EYS: variants seen among roughly 807,000 people sequenced by gnomAD.
The protein encoded by EYS is EGF-like photoreceptor maintenance factor, also known as protein eyes shut homolog.
In EYS, 250 loss-of-function variants were observed where a neutral mutation model predicts 282.1. The observed-to-expected ratio is 0.89, with a 90% CI of 0.80 to 0.98. The LOEUF (loss-of-function observed/expected upper bound fraction) is 0.98. Ranked by LOEUF, EYS falls within the 50% of genes least tolerant of loss-of-function variation. The pLI is 0.00. For synonymous variants in EYS, 1,355 were observed against 1,282.9 expected, an observed-to-expected ratio of 1.06 and a Z score of -1.20; for missense variants, 4,016 against 3,709.0, an observed-to-expected ratio of 1.08 and a Z score of -2.15.
At chr6:65,512,478 G>C (rs1176145647) in intron 2 of EYS, among the ~76,000 whole-genome samples, 1 of 129,366 alleles carries the variant, frequency 7.7e-6, no homozygotes, top group African/African-American at 3.1e-5. Flanking sequence ...GGGCGACAGA[G>C]CGAGACTCTA....
chr6:65,105,859 G>A (rs1023098851), intron 12 of EYS, among the ~76,000 whole-genome samples: 1 of 151,718 alleles, frequency 6.6e-6, no homozygotes, highest in Non-Finnish European at 1.5e-5. Flanking sequence ...TATCTTTGGA[G>A]AGATTAATTG....
intron 15 of EYS, among the ~76,000 whole-genome samples, chr6:64,934,668 C>T (rs1204631836): frequency 6.6e-6 from 1 of 151,658 alleles, no homozygotes; most frequent in Non-Finnish European, 1.5e-5. Context: ...TCCTACAATG[C>T]TACCTTCTAA....
At chr6:65,598,082 A>T (rs192254259) in intron 2 of EYS, among the ~76,000 whole-genome samples, 2 of 151,860 alleles carry the variant, frequency 1.3e-5, no homozygotes, top group Non-Finnish European at 2.9e-5. Flanking sequence ...ACCTGGCAAC[A>T]GAACGAAACC....
chr6:64,300,896 G>A (rs753296960), intron 30 of EYS, among the ~76,000 whole-genome samples: 2 of 152,104 alleles, frequency 1.3e-5, no homozygotes, highest in Non-Finnish European at 2.9e-5. Context: ...TGTCCTCAAG[G>A]GATGCTAAAC....
chr6:65,647,504 T>A, intron 1 of EYS, among the ~76,000 whole-genome samples: 1 of 152,202 alleles, frequency 6.6e-6, no homozygotes, highest in South Asian at 2.1e-4. Context: ...TCACCTTATA[T>A]AAAAATCAAC....
intron 35 of EYS, 28 bp from the exon 36 acceptor site, chr6:63,864,386 A>G (rs956888789): frequency 3.9e-6 from 6 of 1,526,054 alleles, no homozygotes; most frequent in African/African-American, 2.8e-5. Context: ...TTAAAAATTC[A>G]TTAGGAAACA....
chr6:65,523,228 A>G (rs1767437059), intron 2 of EYS, among the ~76,000 whole-genome samples: 1 of 152,168 alleles, frequency 6.6e-6, no homozygotes, highest in African/African-American at 2.4e-5. Flanking sequence ...CACAACATAT[A>G]CATACCTCAA....
chr6:65,287,575 T>C (rs1426896645), intron 12 of EYS, among the ~76,000 whole-genome samples: 3 of 151,342 alleles, frequency 2.0e-5, no homozygotes, highest in Non-Finnish European at 4.4e-5. Flanking sequence ...CAATGTTTTG[T>C]ATAGCTTTTG....
chr6:65,476,167 C>CG (rs1285159523), intron 5 of EYS, among the ~76,000 whole-genome samples: 1 of 152,122 alleles, frequency 6.6e-6, no homozygotes, highest in African/African-American at 2.4e-5. Context: ...ACCTTGGGTT[C>CG]TAAACACCAA....
chr6:65,166,828 C>A (rs1016191038), intron 12 of EYS, among the ~76,000 whole-genome samples: 4 of 150,906 alleles, frequency 2.7e-5, no homozygotes, highest in Admixed American at 2.0e-4. Flanking sequence ...AGAATGAACT[C>A]ATAAGATAAC....
chr6:64,107,137 C>A (rs1015651753), intron 31 of EYS, among the ~76,000 whole-genome samples: 2 of 150,418 alleles, frequency 1.3e-5, no homozygotes, highest in African/African-American at 4.9e-5. Context: ...AATTCCTGAC[C>A]TGATGATTTC....
intron 19 of EYS, among the ~76,000 whole-genome samples, chr6:64,832,395 CA>C: frequency 6.6e-6 from 1 of 151,608 alleles, no homozygotes; most frequent in East Asian, 2.0e-4. Context: ...ATCTAGTCAC[CA>C]AACTTATAGA....
chr6:64,113,343 A>C (rs1291568442), intron 31 of EYS, among the ~76,000 whole-genome samples: 1 of 152,024 alleles, frequency 6.6e-6, no homozygotes, highest in Non-Finnish European at 1.5e-5. Flanking sequence ...GATCTGTTAT[A>C]TGATAGCTGT....
chr6:64,864,385 C>CTGTTTTTTTTTTTTTTTTTT (rs1766348749), intron 19 of EYS, among the ~76,000 whole-genome samples: 1 of 57,166 alleles, frequency 1.7e-5, no homozygotes, highest in African/African-American at 5.9e-5. Flanking sequence ...GCTATACCTT[C>CTGTTTTTTTTTTTTTTTTTT]TTTTTTTTTT....
chr6:64,389,892 G>C (rs1257428392), intron 28 of EYS, among the ~76,000 whole-genome samples: 1 of 152,128 alleles, frequency 6.6e-6, no homozygotes, highest in Non-Finnish European at 1.5e-5. Flanking sequence ...GTGCCAGACA[G>C]TGGGCGCAGG....
rs553601513 is a variant in EYS, at chr6:64,628,018, T to C, written c.3444-1773A>G. Reference sequence around the variant, plus strand: ...TGGCGTGAACCAGGGAGGCGGAGCTTGCAGTGAGCCCAGATCACGCCACTG... The same window carrying C: ...TGGCGTGAACCAGGGAGGCGGAGCTCGCAGTGAGCCCAGATCACGCCACTG... On this transcript the variant is annotated intron_variant, in intron 22 of 42. Transcript: ENST00000503581. 1.1e-4 allele frequency among the ~76,000 whole-genome samples: 16 copies of C among 152,256 alleles called. No homozygotes were observed. The South Asian group carries it at 2.7e-3, about 26-fold the overall frequency.
chr6:64,742,650 G>C (rs937297980), intron 22 of EYS, among the ~76,000 whole-genome samples: 1 of 152,118 alleles, frequency 6.6e-6, no homozygotes, highest in Admixed American at 6.6e-5. Flanking sequence ...TGTCCCTGAT[G>C]GTAGTGATGG....
chr6:64,893,105 G>A (rs1381019189), intron 18 of EYS, among the ~76,000 whole-genome samples: 1 of 152,010 alleles, frequency 6.6e-6, no homozygotes, highest in African/African-American at 2.4e-5. Context: ...ATACTATTGT[G>A]AGTGACCTAA....
At chr6:64,411,723 T>C (rs1322304332) in intron 28 of EYS, among the ~76,000 whole-genome samples, 2 of 152,012 alleles carry the variant, frequency 1.3e-5, no homozygotes, top group African/African-American at 4.8e-5. Flanking sequence ...TGGCTTGCAC[T>C]TGTAGTCCTA....
Sources: allele counts gnomAD v4.1 joint callset (sites outside exome capture counted in the v4.1 genomes callset), GRCh38; gene constraint gnomAD v4.1.1; transcripts MANE v1.5; gene names NCBI Gene and HGNC (gene_info 2026-07-23, HGNC 2026-07-21).